SESN1: variants seen among roughly 807,000 people sequenced by gnomAD.
The protein encoded by SESN1 is sestrin-1.
A neutral mutation model predicts 59.3 loss-of-function variants in SESN1; 30 were observed. The ratio of observed to expected loss-of-function variants is 0.51; its 90% CI spans 0.38 to 0.69. SESN1 has a LOEUF of 0.69. Among genes scored for constraint, SESN1 ranks in the 30% least tolerant of loss-of-function variants. The pLI is 0.00. For synonymous variants in SESN1, 197 were observed against 219.9 expected, an observed-to-expected ratio of 0.90 and a Z score of 0.92; for missense variants, 566 against 673.0, an observed-to-expected ratio of 0.84 and a Z score of 1.76.
chr6:109,066,711 A>G (rs1780832462), intron 1 of SESN1, among the ~76,000 whole-genome samples: 1 of 152,240 alleles, frequency 6.6e-6, no homozygotes, highest in Non-Finnish European at 1.5e-5. Context: ...TGAATAACCA[A>G]CAGATATAAA....
intron 1 of SESN1, among the ~76,000 whole-genome samples, chr6:109,064,471 T>G (rs1211180653): frequency 1.3e-5 from 2 of 149,472 alleles, no homozygotes; most frequent in Non-Finnish European, 3.0e-5. Context: ...AGTATGTGCT[T>G]TAGAACAAAA....
At chr6:109,076,210 T>C (rs1781029693) in intron 1 of SESN1, among the ~76,000 whole-genome samples, 2 of 152,236 alleles carry the variant, frequency 1.3e-5, no homozygotes, top group Admixed American at 1.3e-4. Context: ...CAATTTACTA[T>C]TTACCAACTA....
At chr6:109,004,850 C>T (rs770955730) in intron 1 of SESN1, among the ~76,000 whole-genome samples, 116 of 152,198 alleles carry the variant, frequency 7.6e-4, no homozygotes, top group Non-Finnish European at 1.3e-3. Context: ...CTGTCTTCCT[C>T]CAAAAAGATT....
rs562083192 is a variant in SESN1, at chr6:108,995,791, G to GA, written c.973-1183dup. 2.1e-4 allele frequency among the ~76,000 whole-genome samples: 32 copies of GA among 151,352 alleles called. No individual in the cohort carries two copies. The East Asian group carries it at 2.3e-3, about 11-fold the overall frequency. Reference sequence around the variant, plus strand: ...AGAGAGAGACTTTGTCTCAAAAAGAGAAAAAAAAGTCTTAATCTCAAATCT... The same window carrying GA: ...AGAGAGAGACTTTGTCTCAAAAAGAGAAAAAAAAAGTCTTAATCTCAAATCT... On this transcript the variant is annotated intron_variant, in intron 5 of 9. Coordinates refer to ENST00000436639, the MANE Select transcript of SESN1 (RefSeq NM_014454.3).
chr6:109,091,776 T>C (rs906939192), intron 1 of SESN1, among the ~76,000 whole-genome samples: 2 of 152,268 alleles, frequency 1.3e-5, no homozygotes, highest in African/African-American at 4.8e-5. Context: ...AGAATGACAT[T>C]CAGCAGGAGT....
chr6:108,986,395 T>TAATA lies in SESN1; in HGVS notation c.*1145_*1148dup, dbSNP rs757760755. 3.3e-5 allele frequency: 5 copies of TAATA among 152,656 alleles called. No individual in the cohort carries two copies. Among genetic ancestry groups the TAATA allele is most frequent in the African/African-American group, 7.2e-5 (3 of 41,450 alleles). 9.5% of individuals were successfully genotyped at this position (152,656 alleles called of 1,614,324 possible). Reference sequence around the variant, plus strand: ...GTAGATAGAAACTCAAAATTATTACTAATAGTGAAGTCATGATTTTTTAAG... The same window carrying TAATA: ...GTAGATAGAAACTCAAAATTATTACTAATAAATAGTGAAGTCATGATTTTTTAAG... On this transcript the variant is annotated 3_prime_UTR_variant, in exon 10 of 10. Transcript: ENST00000436639.
At chr6:109,078,085 C>T (rs780299134) in intron 1 of SESN1, among the ~76,000 whole-genome samples, 3 of 152,078 alleles carry the variant, frequency 2.0e-5, no homozygotes, top group Non-Finnish European at 4.4e-5. Context: ...ATTTTACATA[C>T]TATTTTAAAG....
At chr6:108,989,729 G>GAGA (rs1405958008) in intron 8 of SESN1, among the ~76,000 whole-genome samples, 1 of 152,132 alleles carries the variant, frequency 6.6e-6, no homozygotes, top group Non-Finnish European at 1.5e-5. Context: ...GGGCTGCGAG[G>GAGA]AGAAGGATGG....
chr6:109,038,747 T>A (rs1040743915), intron 1 of SESN1, among the ~76,000 whole-genome samples: 1 of 152,160 alleles, frequency 6.6e-6, no homozygotes, highest in Admixed American at 6.5e-5. Flanking sequence ...ATAGTTAAAT[T>A]TGCATAAGTT....
intron 1 of SESN1, among the ~76,000 whole-genome samples, chr6:109,065,657 AG>A (rs1780812860): frequency 1.3e-5 from 2 of 152,162 alleles, no homozygotes; most frequent in South Asian, 2.1e-4. Context: ...CCAAAAAATA[AG>A]ATAAATGTGT....
At chr6:109,080,250 A>G (rs1379006070) in intron 1 of SESN1, among the ~76,000 whole-genome samples, 2 of 152,338 alleles carry the variant, frequency 1.3e-5, no homozygotes, top group East Asian at 1.9e-4. Flanking sequence ...CAGCACTGTC[A>G]TGGCAACAAT....
chr6:109,032,310 G>A (rs1236915443), intron 1 of SESN1, among the ~76,000 whole-genome samples: 2 of 151,868 alleles, frequency 1.3e-5, no homozygotes, highest in Non-Finnish European at 2.9e-5. Flanking sequence ...CAGATGAGGC[G>A]TGCTCCCCCT....
chr6:109,074,778 T>C (rs1036174135), intron 1 of SESN1, among the ~76,000 whole-genome samples: 2 of 152,246 alleles, frequency 1.3e-5, no homozygotes, highest in African/African-American at 2.4e-5. Context: ...CAGAAGAGAT[T>C]TGACTCACAG....
At chr6:109,029,293 C>T (rs903808241) in intron 1 of SESN1, among the ~76,000 whole-genome samples, 35 of 152,114 alleles carry the variant, frequency 2.3e-4, no homozygotes, top group African/African-American at 8.0e-4. Flanking sequence ...ATAGAAATCA[C>T]GGGTTAAAAC....
At chr6:109,009,309 G>A (rs1583270511) in intron 1 of SESN1, 3 of 1,427,346 alleles carry the variant, frequency 2.1e-6, no homozygotes, top group Non-Finnish European at 1.8e-6. Context: ...TCGGCCGGGT[G>A]CCCACCCGCC....
At chr6:109,047,942 G>A (rs1780479142) in intron 1 of SESN1, among the ~76,000 whole-genome samples, 1 of 146,648 alleles carries the variant, frequency 6.8e-6, no homozygotes, top group South Asian at 2.3e-4. Context: ...CAAGTACCCA[G>A]GGACACAAAC....
intron 1 of SESN1, among the ~76,000 whole-genome samples, chr6:109,072,438 T>G (rs1780955227): frequency 6.6e-6 from 1 of 152,186 alleles, no homozygotes; most frequent in African/African-American, 2.4e-5. Context: ...AAGTCACATA[T>G]AATTTCCCCA....
chr6:109,064,694 G>C (rs1408811109), intron 1 of SESN1, among the ~76,000 whole-genome samples: 1 of 87,304 alleles, frequency 1.1e-5, no homozygotes, highest in Non-Finnish European at 2.3e-5. Context: ...GTGGGAGAGA[G>C]AGAGAGGGAG....
At chr6:109,041,748 T>C (rs1323541174) in intron 1 of SESN1, among the ~76,000 whole-genome samples, 1 of 152,106 alleles carries the variant, frequency 6.6e-6, no homozygotes, top group Non-Finnish European at 1.5e-5. Flanking sequence ...TCCATAATTA[T>C]AGCAGGAGAC....
Sources: allele counts gnomAD v4.1 joint callset (sites outside exome capture counted in the v4.1 genomes callset), GRCh38; gene constraint gnomAD v4.1.1; transcripts MANE v1.5; gene names NCBI Gene and HGNC (gene_info 2026-07-23, HGNC 2026-07-21).